ERC1: variants seen among roughly 807,000 people sequenced by gnomAD.
ERC1 encodes the protein ELKS/RAB6-interacting/CAST family member 1.
Under a neutral mutation model 132.0 loss-of-function variants are expected in ERC1, and 56 were observed. The ratio of observed to expected loss-of-function variants is 0.42; its 90% CI spans 0.34 to 0.53. The LOEUF (loss-of-function observed/expected upper bound fraction) is 0.53, where lower values mean the gene tolerates loss of function less well. ERC1 is among the 20% of genes least tolerant of loss of function. The pLI is 0.03. For synonymous variants in ERC1, 478 were observed against 476.1 expected (o/e 1.00, Z -0.05); for missense variants, 1,202 against 1,349.9 (o/e 0.89, Z 1.72).
At chr12:1,252,902 G>T (rs966983878) in intron 13 of ERC1, among the ~76,000 whole-genome samples, 5 of 152,172 alleles carry the variant, frequency 3.3e-5, no homozygotes, top group African/African-American at 4.8e-5. Flanking sequence ...TTCTGGATGT[G>T]TATATATGCT....
At chr12:1,101,733 T>C (rs965320717) in intron 3 of ERC1, among the ~76,000 whole-genome samples, 2 of 152,194 alleles carry the variant, frequency 1.3e-5, no homozygotes. Context: ...GATGAATGCC[T>C]GCCACGGTGC....
rs11064643 is a variant in ERC1 at position 1,019,855 on chromosome 12, C to T, written c.-156-7893C>T. On this transcript the variant is annotated intron_variant, in intron 1 of 18. Coordinates refer to ENST00000360905, the MANE Select transcript of ERC1 (RefSeq NM_178040.4). The stretch of plus-strand genomic sequence containing the variant: ...CTCTTGGGTTCAAGCAATCTTCCTG[C>T]CTCAGCTTCCTGAGTAGCTGGGACT... Among the ~76,000 whole-genome samples the T allele has an allele frequency of 1.8e-3, 276 of 152,222 alleles. 1 individual carries two copies. Among genetic ancestry groups the T allele is most frequent in the Non-Finnish European group, 2.5e-3 (172 of 68,008 alleles).
chr12:1,204,099 G>A (rs1430420640), intron 12 of ERC1: 1 of 163,778 alleles, frequency 6.1e-6, no homozygotes, highest in East Asian at 1.7e-4. Flanking sequence ...GTTATAAGGT[G>A]GGTGTCTATA....
chr12:1,050,778 G>T (rs1971816591), intron 2 of ERC1, among the ~76,000 whole-genome samples: 1 of 152,138 alleles, frequency 6.6e-6, no homozygotes, highest in Non-Finnish European at 1.5e-5. Context: ...GGCCGAGGCG[G>T]GTTGATCACG....
At chr12:1,146,844 A>C (rs914938983) in intron 8 of ERC1, among the ~76,000 whole-genome samples, 9 of 150,056 alleles carry the variant, frequency 6.0e-5, no homozygotes, top group Admixed American at 5.3e-4. Context: ...TCATTGTTGA[A>C]TTCCCACCTA....
At chr12:1,336,327 T>C (rs949136664) in intron 15 of ERC1, among the ~76,000 whole-genome samples, 10 of 152,154 alleles carry the variant, frequency 6.6e-5, no homozygotes, top group African/African-American at 2.4e-4. Flanking sequence ...TCTAGTTCTT[T>C]TAGTTGTGAT....
rs187783508 is a variant in ERC1 at position 1,165,464 on chromosome 12, C to T, written c.1738-15076C>T. Among the ~76,000 whole-genome samples, 326 of 152,160 alleles carry T rather than the reference C, an allele frequency of 2.1e-3. 5 individuals carry two copies. In the East Asian group the frequency reaches 0.032, roughly 15 times the overall value. On this transcript the variant is annotated intron_variant, in intron 8 of 18. Transcript: ENST00000360905. ...GGGACTACAGGCGCCTGCCACCATG[C>T]CCGGCGAATTTTTTTGTATTTTTAG...
At chr12:1,281,093 T>G (rs562712781) in intron 14 of ERC1, among the ~76,000 whole-genome samples, 11 of 152,348 alleles carry the variant, frequency 7.2e-5, no homozygotes, top group African/African-American at 2.4e-4. Context: ...GTTAAAAACT[T>G]AAGGAAAGTG....
chr12:1,324,282 A>T (rs2082306486), intron 15 of ERC1, among the ~76,000 whole-genome samples: 1 of 152,142 alleles, frequency 6.6e-6, no homozygotes, highest in African/African-American at 2.4e-5. Flanking sequence ...AGACCTACTG[A>T]TGAGGTGATA....
In ERC1 at chr12:1,493,543, AAAAAAATATATATATATATAT is replaced by A. The variant is rs2094335829; in HGVS notation, c.*3315_*3335del. On this transcript the variant is annotated 3_prime_UTR_variant, in exon 19 of 19. Transcript: ENST00000360905. ...CAGAGACTCCATTTAAAAAAAAAAAAAAAAAATATATATATATATATATATATATATATATGGATGGGAATC... is the reference window on the plus strand; with the variant it reads ...CAGAGACTCCATTTAAAAAAAAAAAAATATATATATATATGGATGGGAATC... 1.2e-5 allele frequency: 1 copy of A among 84,462 alleles called. No homozygotes were observed. The highest frequency in any genetic ancestry group is 2.3e-5 in the Non-Finnish European group (1 of 43,764). The allele number at this position is 84,462 out of a possible 1,614,324, so 5.2% of individuals were successfully genotyped here.
chr12:1,396,021 G>A (rs1431237147), intron 16 of ERC1, among the ~76,000 whole-genome samples: 3 of 152,106 alleles, frequency 2.0e-5, no homozygotes, highest in Admixed American at 6.5e-5. Flanking sequence ...TATTTGCGTG[G>A]AAGGAAATGA....
intron 17 of ERC1, among the ~76,000 whole-genome samples, chr12:1,436,370 CTTCAG>C (rs977242966): frequency 5.3e-5 from 8 of 152,168 alleles, no homozygotes; most frequent in South Asian, 2.1e-4. Context: ...ATGTGTTCCT[CTTCAG>C]TTCAGGTCAC....
At chr12:1,398,668 C>T (rs1292255207) in intron 16 of ERC1, among the ~76,000 whole-genome samples, 1 of 152,136 alleles carries the variant, frequency 6.6e-6, no homozygotes, top group African/African-American at 2.4e-5. Flanking sequence ...ATAACAAAGT[C>T]GGTAGGTAGG....
chr12:1,061,989 CTTTTT>C (rs896825718), intron 2 of ERC1, among the ~76,000 whole-genome samples: 1 of 117,384 alleles, frequency 8.5e-6, no homozygotes, highest in African/African-American at 3.6e-5. Flanking sequence ...TTCTTTTCTT[CTTTTT>C]TTTTTTTTTT....
intron 3 of ERC1, among the ~76,000 whole-genome samples, chr12:1,101,272 G>A (rs1944626058): frequency 6.6e-6 from 1 of 152,162 alleles, no homozygotes; most frequent in Admixed American, 6.5e-5. Context: ...CCTCTGGGAG[G>A]ACTAGAGAAC....
chr12:1,484,835 AGC>A (rs2094176458), intron 18 of ERC1, among the ~76,000 whole-genome samples: 3 of 151,798 alleles, frequency 2.0e-5, no homozygotes, highest in Non-Finnish European at 4.4e-5. Context: ...CTGCCACCTC[AGC>A]CTCCCAAAGT....
chr12:1,153,249 A>G (rs1217842499), intron 8 of ERC1, among the ~76,000 whole-genome samples: 1 of 152,254 alleles, frequency 6.6e-6, no homozygotes, highest in Non-Finnish European at 1.5e-5. Flanking sequence ...CTTTTCCCAA[A>G]TCAGATTAAT....
chr12:1,403,297 C>T lies in ERC1; in HGVS notation c.2926-4852C>T, dbSNP rs577618009. ...CATCTCCCTGCACATGCACCTGGCA[C>T]GGTTCAAGAGGAAAAACATTTGGAT... On this transcript the variant is annotated intron_variant, in intron 16 of 18. Coordinates refer to ENST00000360905, the MANE Select transcript of ERC1 (RefSeq NM_178040.4). 1.0e-3 allele frequency among the ~76,000 whole-genome samples: 153 copies of T among 152,204 alleles called. 1 individual carries two copies. Among genetic ancestry groups the T allele is most frequent in the African/African-American group, 3.4e-3 (142 of 41,520 alleles).
intron 2 of ERC1, among the ~76,000 whole-genome samples, chr12:1,032,340 C>T (rs956677544): frequency 6.6e-5 from 10 of 152,146 alleles, no homozygotes; most frequent in Non-Finnish European, 1.2e-4. Flanking sequence ...GGAGCCACTG[C>T]GCCGGGTGTA....
Sources: allele counts gnomAD v4.1 joint callset (sites outside exome capture counted in the v4.1 genomes callset), GRCh38; gene constraint gnomAD v4.1.1; transcripts MANE v1.5; gene names NCBI Gene and HGNC (gene_info 2026-07-23, HGNC 2026-07-21).